The following TBC1D8 variants were observed in gnomAD, a reference collection of about 807,000 sequenced individuals.
TBC1D8 encodes the protein TBC1 domain family member 8.
TBC1D8 carries 65 observed loss-of-function variants against 118.8 expected under a neutral mutation model. The ratio of observed to expected loss-of-function variants is 0.55; its 90% CI spans 0.45 to 0.67. The LOEUF (loss-of-function observed/expected upper bound fraction) is 0.67. Among genes scored for constraint, TBC1D8 ranks in the 30% least tolerant of loss-of-function variants. The pLI is 0.00. For missense variants in TBC1D8, 1,376 were observed against 1,471.2 expected (o/e 0.94, Z 1.06); for synonymous variants, 566 against 595.8 (o/e 0.95, Z 0.73).
In TBC1D8 at chr2:101,008,186, CTG is replaced by C. The variant is rs761387446; in HGVS notation, c.3101_3102del (p.Thr1034SerfsTer37). ...EENDLYQAIA[T>X]VTTLLLQIGE... ...CCGATCTGCAGCAGCAGTGTGGTGA[CTG>C]TGGCGATGGCTTGATACAAATCATT... On this transcript the variant is annotated frameshift_variant, in exon 20 of 20. Coordinates refer to ENST00000409318, the MANE Select transcript of TBC1D8 (RefSeq NM_001330348.2). LOFTEE classifies it low-confidence loss of function (END_TRUNC). The C allele has an allele frequency of 2.4e-5, 39 of 1,613,172 alleles. No homozygotes were observed. The highest frequency in any genetic ancestry group is 3.0e-5 in the Non-Finnish European group (35 of 1,179,546).
chr2:101,016,113 A>C (rs1679614609), intron 17 of TBC1D8, among the ~76,000 whole-genome samples: 1 of 152,232 alleles, frequency 6.6e-6, no homozygotes, highest in East Asian at 1.9e-4. Context: ...CAGCAAAAGA[A>C]ACTACCATCA....
chr2:101,044,818 G>A (rs767933013), intron 5 of TBC1D8, among the ~76,000 whole-genome samples: 2 of 152,176 alleles, frequency 1.3e-5, no homozygotes, highest in Admixed American at 6.5e-5. Flanking sequence ...GTGCAATCTC[G>A]GCTCACTGAA....
At chr2:101,010,678 T>C (rs1415156842) in intron 19 of TBC1D8, among the ~76,000 whole-genome samples, 1 of 151,768 alleles carries the variant, frequency 6.6e-6, no homozygotes. Flanking sequence ...AGGTGAGAAG[T>C]TCAAGACCAG....
chr2:101,110,438 T>C (rs747616612), intron 1 of TBC1D8, among the ~76,000 whole-genome samples: 5 of 152,096 alleles, frequency 3.3e-5, no homozygotes, highest in Non-Finnish European at 7.4e-5. Flanking sequence ...TTAAAGAAAG[T>C]ATGCCTTCCC....
intron 9 of TBC1D8, among the ~76,000 whole-genome samples, chr2:101,034,181 C>T (rs1158819537): frequency 6.6e-6 from 1 of 151,720 alleles, no homozygotes; most frequent in Non-Finnish European, 1.5e-5. Context: ...GTAGCCTAGT[C>T]AAAAAAACAG....
intron 4 of TBC1D8, among the ~76,000 whole-genome samples, chr2:101,053,600 T>C (rs1213526205): frequency 6.6e-6 from 1 of 152,046 alleles, no homozygotes; most frequent in Non-Finnish European, 1.5e-5. Context: ...CACCTTGGAA[T>C]CCCATTGCCT....
In TBC1D8 at chr2:101,038,472, C is replaced by T. The variant is rs751447886; in HGVS notation, c.1264G>A (p.Asp422Asn). Residue 422 changes from aspartate (D) to asparagine (N), a missense_variant, in exon 7 of 20, where the codon GAT (aspartate) becomes AAT (asparagine). Transcript: ENST00000409318. The stretch of plus-strand genomic sequence containing the variant: ...TGGAGGGACCATACCATGTCATCAT[C>T]CGCAGAGGTGTCGTAGTGCACGGGG... ...NHPVHYDTSA[D>N]DDMASLVFHS... 19 of 1,613,682 alleles carry T rather than the reference C, an allele frequency of 1.2e-5. No individual in the cohort carries two copies. Among genetic ancestry groups the T allele is most frequent in the South Asian group, 3.3e-5 (3 of 91,072 alleles).
intron 1 of TBC1D8, among the ~76,000 whole-genome samples, chr2:101,109,131 T>C (rs1677416111): frequency 6.6e-6 from 1 of 151,928 alleles, no homozygotes. Flanking sequence ...ACTGCCCCCA[T>C]AGGAAACCAG....
In TBC1D8 at chr2:101,008,284, A is replaced by C. The variant is rs1283144012; in HGVS notation, c.3016-11T>G. Reference sequence around the variant, plus strand: ...CTGGATAAATTCTCTCTGAAATTGAAATAAGTCTTAGGTAGCAGCAGAACC... The same window carrying C: ...CTGGATAAATTCTCTCTGAAATTGACATAAGTCTTAGGTAGCAGCAGAACC... On this transcript the variant is annotated splice_polypyrimidine_tract_variant and intron_variant, in intron 19 of 19. Coordinates refer to ENST00000409318, the MANE Select transcript of TBC1D8 (RefSeq NM_001330348.2). The C allele has an allele frequency of 6.6e-7, 1 of 1,514,080 alleles. No homozygotes were observed. Among genetic ancestry groups the C allele is most frequent in the Non-Finnish European group, 8.8e-7 (1 of 1,132,456 alleles). The allele number at this position is 1,514,080 out of a possible 1,614,324, so 93.8% of individuals were successfully genotyped here.
chr2:101,071,110 C>A (rs866356857), intron 2 of TBC1D8, among the ~76,000 whole-genome samples: 1 of 151,980 alleles, frequency 6.6e-6, no homozygotes. Context: ...GAGGCTGAGG[C>A]GGGCGGATCA....
At chr2:101,137,313 G>A (rs537405083) in intron 1 of TBC1D8, among the ~76,000 whole-genome samples, 4 of 151,654 alleles carry the variant, frequency 2.6e-5, no homozygotes, top group African/African-American at 4.8e-5. Flanking sequence ...GATTACAGGC[G>A]TGAGCCACCA....
chr2:101,060,369 C>T (rs773453794), intron 2 of TBC1D8, among the ~76,000 whole-genome samples: 15 of 152,188 alleles, frequency 9.9e-5, no homozygotes, highest in Non-Finnish European at 1.9e-4. Flanking sequence ...TGCAACACAA[C>T]AAGCAAGGGC....
In TBC1D8 at chr2:101,037,598, C is replaced by T; in HGVS notation, c.1386G>A (p.Leu462=). The change falls in exon 8 of 20, where the codon CTG becomes CTA. Residue 462 remains leucine (L), a synonymous_variant. Transcript: ENST00000409318. ...CGGTGACCAGGGCATCGGGGTGCAT[C>T]AGCGGGCTCTTCTCTTTCTCACTCT... ...SEESEKEKSP[L]MHPDALVTAF... 1 of 1,613,628 alleles carries T rather than the reference C, an allele frequency of 6.2e-7. No homozygotes were observed. The highest frequency in any genetic ancestry group is 8.5e-7 in the Non-Finnish European group (1 of 1,179,902).
rs183257737 is a variant in TBC1D8 at position 101,090,060 on chromosome 2, G to A, written c.283+149C>T. 839 of 699,754 alleles carry A rather than the reference G, an allele frequency of 1.2e-3. 1 individual carries two copies. Among genetic ancestry groups the A allele is most frequent in the Non-Finnish European group, 1.6e-3 (719 of 437,884 alleles). The allele number at this position is 699,754 out of a possible 1,614,324, so 43.3% of individuals were successfully genotyped here. On this transcript the variant is annotated intron_variant, in intron 2 of 19. Coordinates refer to ENST00000409318, the MANE Select transcript of TBC1D8 (RefSeq NM_001330348.2). ...AGGAGGGAAGGAGAGGGAAGGGGAAGGAAGGGGAGTGGAGGGGAGGGGAGT... is the reference window on the plus strand; with the variant it reads ...AGGAGGGAAGGAGAGGGAAGGGGAAAGAAGGGGAGTGGAGGGGAGGGGAGT...
intron 17 of TBC1D8, chr2:101,017,871 A>T: frequency 1.3e-6 from 2 of 1,550,966 alleles, no homozygotes; most frequent in Non-Finnish European, 1.7e-6. Context: ...CTTCAAAACG[A>T]TGATCTCTTC....
At chr2:101,126,376 T>C (rs1252039117) in intron 1 of TBC1D8, among the ~76,000 whole-genome samples, 2 of 152,154 alleles carry the variant, frequency 1.3e-5, no homozygotes, top group Non-Finnish European at 2.9e-5. Context: ...ATCCGAACCA[T>C]AGCAAATGTC....
chr2:101,093,010 C>T (rs1676141027), intron 1 of TBC1D8, among the ~76,000 whole-genome samples: 1 of 152,190 alleles, frequency 6.6e-6, no homozygotes, highest in South Asian at 2.1e-4. Flanking sequence ...CCAACCCCTC[C>T]TCCTCTTCAG....
rs1268416032 is a variant in TBC1D8 at position 101,066,420 on chromosome 2, T to C, written c.284-6881A>G. 2.6e-5 allele frequency among the ~76,000 whole-genome samples: 4 copies of C among 152,210 alleles called. No homozygotes were observed. The South Asian group carries it at 6.2e-4, about 24-fold the overall frequency. ...CTCAAACCTTTAGGAATGAGAAATA[T>C]GGTATTTACATAAGATTAAATCAAT... On this transcript the variant is annotated intron_variant, in intron 2 of 19. Coordinates refer to ENST00000409318, the MANE Select transcript of TBC1D8 (RefSeq NM_001330348.2).
chr2:101,108,719 A>T (rs1051371377), intron 1 of TBC1D8, among the ~76,000 whole-genome samples: 1 of 75,478 alleles, frequency 1.3e-5, no homozygotes, highest in Admixed American at 1.6e-4. Context: ...TTGGCACCCC[A>T]CCCTCCCCAC....
Sources: gnomAD v4.1 joint callset for allele counts (sites outside exome capture counted in the v4.1 genomes callset) on GRCh38, gnomAD v4.1.1 for gene constraint, MANE v1.5 for transcripts, NCBI Gene and HGNC (gene_info 2026-07-23, HGNC 2026-07-21) for gene names.